PMPCA: variants seen among roughly 807,000 people sequenced by gnomAD.
PMPCA encodes mitochondrial-processing peptidase subunit alpha.
Under a neutral mutation model 59.3 loss-of-function variants are expected in PMPCA, and 47 were observed. The ratio of observed to expected loss-of-function variants is 0.79; its 90% CI spans 0.63 to 1.01. PMPCA has a LOEUF of 1.01. Ranked by LOEUF, PMPCA falls within the 50% of genes least tolerant of loss-of-function variation. PMPCA has a pLI of 0.00. For missense variants in PMPCA, 726 were observed against 704.5 expected (o/e 1.03, Z -0.34); for synonymous variants, 338 against 290.3 (o/e 1.16, Z -1.67).
At chr9:136,411,944 C>A in intron 1 of PMPCA, 53 bp from the exon 2 acceptor site, 2 of 1,050,758 alleles carry the variant, frequency 1.9e-6, no homozygotes, top group South Asian at 1.3e-5. Context: ...AACAGGTCAT[C>A]ACAGGTTTGT....
intron 5 of PMPCA, among the ~76,000 whole-genome samples, chr9:136,415,640 G>A (rs1457448151): frequency 6.6e-6 from 1 of 152,196 alleles, no homozygotes; most frequent in Non-Finnish European, 1.5e-5. Flanking sequence ...CTGTGCCTCT[G>A]TTTCTTTTTG....
Position 136,419,120 on chromosome 9 carries a change from G to A in PMPCA, c.1263+14G>A, listed in dbSNP as rs1163295094. ...ACCGTGGACACGGTAAGTGCAGTGT[G>A]GCGCCATTTCCAGGCGTACCTGTGG... On this transcript the variant is annotated intron_variant, in intron 11 of 12. Coordinates refer to ENST00000371717, the MANE Select transcript of PMPCA (RefSeq NM_015160.3). 2.5e-6 allele frequency: 4 copies of A among 1,610,170 alleles called. No individual in the cohort carries two copies. Among genetic ancestry groups the A allele is most frequent in the Non-Finnish European group, 3.4e-6 (4 of 1,176,374 alleles).
intron 5 of PMPCA, among the ~76,000 whole-genome samples, chr9:136,415,717 C>G (rs1725666429): frequency 1.3e-5 from 2 of 152,234 alleles, no homozygotes; most frequent in Admixed American, 1.3e-4. Flanking sequence ...ACTGCAACCT[C>G]CACCTCCCAG....
At chr9:136,414,334 C>T (rs1835213518) in intron 4 of PMPCA, among the ~76,000 whole-genome samples, 1 of 152,232 alleles carries the variant, frequency 6.6e-6, no homozygotes, top group Non-Finnish European at 1.5e-5. Flanking sequence ...GAGGTGTCCC[C>T]TGGCACGCAA....
intron 5 of PMPCA, among the ~76,000 whole-genome samples, chr9:136,415,435 C>T (rs911999384): frequency 6.6e-6 from 1 of 152,190 alleles, no homozygotes; most frequent in African/African-American, 2.4e-5. Context: ...TTCACTGTTT[C>T]CATTACCCTC....
rs922553423 is a variant in PMPCA at position 136,412,893 on chromosome 9, G to A, written c.437+1G>A. ...GTATCTGTGACTGCCAGACATCAAG[G>A]TACACCAGCTTTTGTGTACAAACTG... On this transcript the variant is annotated splice_donor_variant, in intron 4 of 12. Coordinates refer to ENST00000371717, the MANE Select transcript of PMPCA (RefSeq NM_015160.3). LOFTEE classifies it high-confidence loss of function. The A allele has an allele frequency of 1.9e-6, 3 of 1,566,522 alleles. No individual in the cohort carries two copies. The highest frequency in any genetic ancestry group is 1.4e-5 in the African/African-American group (1 of 74,054).
chr9:136,417,946 G>C (rs1835328430), intron 7 of PMPCA, 71 bp from the exon 8 acceptor site: 1 of 1,050,802 alleles, frequency 9.5e-7, no homozygotes, highest in Admixed American at 1.7e-5. Flanking sequence ...CTCTGAAGAT[G>C]ATCTCATCTG....
At position 136,419,071 on chromosome 9, in the gene PMPCA, A is replaced by G. The variant is rs1383395152; in HGVS notation, c.1228A>G (p.Lys410Glu). 6.2e-7 allele frequency: 1 copy of G among 1,613,886 alleles called. No individual in the cohort carries two copies. The change falls in exon 11 of 13, where the codon AAG becomes GAG. Residue 410 changes from lysine (K) to glutamate (E), a missense_variant. Coordinates refer to ENST00000371717, the MANE Select transcript of PMPCA (RefSeq NM_015160.3). The part of the protein sequence containing the change: ...QVREMVEIIT[K>E]EFILMGGTVD... ...TCGAGAAATGGTAGAAATCATCACA[A>G]AGGAGTTTATTTTAATGGGCGGAAC...
intron 12 of PMPCA, chr9:136,422,874 A>G (rs1835497767): frequency 2.2e-6 from 3 of 1,372,182 alleles, no homozygotes; most frequent in Non-Finnish European, 1.9e-6. Context: ...TATATTTTTA[A>G]GTCATTGCCA....
chr9:136,410,972 C>T (rs1235824893), intron 1 of PMPCA: 6 of 394,414 alleles, frequency 1.5e-5, no homozygotes, highest in African/African-American at 4.1e-5. Flanking sequence ...CCCCCCCTCA[C>T]TTCCCGGGTC....
intron 4 of PMPCA, 58 bp from the exon 5 acceptor site, chr9:136,414,495 G>T: frequency 8.6e-7 from 1 of 1,163,020 alleles, no homozygotes; most frequent in Non-Finnish European, 1.3e-6. Flanking sequence ...GCGTCCCCTG[G>T]CTGTTAAGCA....
Position 136,423,150 on chromosome 9 carries a change from G to C in PMPCA, c.1464G>C (p.Lys488Asn), listed in dbSNP as rs1835508872. 5.6e-6 allele frequency: 9 copies of C among 1,613,634 alleles called. No individual in the cohort carries two copies. The highest frequency in any genetic ancestry group is 5.9e-6 in the Non-Finnish European group (7 of 1,180,030). The part of the protein sequence containing the change: ...KRVASKMLRG[K>N]PAVAALGDLT... ...TCGCTTCTAAGATGCTCCGAGGGAA[G>C]CCGGCAGTGGCCGCCCTGGGTGACC... Residue 488 changes from lysine to asparagine, a missense_variant, in exon 13 of 13, where the codon AAG becomes AAC. Lys to Asn is a moderately conservative substitution (Grantham distance 94). Coordinates refer to ENST00000371717, the MANE Select transcript of PMPCA (RefSeq NM_015160.3).
In PMPCA at chr9:136,412,053, C is replaced by T; in HGVS notation, c.128C>T (p.Pro43Leu). The T allele has an allele frequency of 6.2e-7, 1 of 1,613,534 alleles. No individual in the cohort carries two copies. The highest frequency in any genetic ancestry group is 8.5e-7 in the Non-Finnish European group (1 of 1,179,478). The change falls in exon 2 of 13, where the codon CCC becomes CTC. Residue 43 changes from proline to leucine, a missense_variant. Coordinates refer to ENST00000371717, the MANE Select transcript of PMPCA (RefSeq NM_015160.3). The part of the protein sequence containing the change: ...FSSGGAYPNI[P>L]LSSPLPGVPK... Reference sequence around the variant, plus strand: ...AGTGGTGGTGCCTATCCCAACATCCCCCTCTCTTCTCCCTTACCTGGAGTA... The same window carrying T: ...AGTGGTGGTGCCTATCCCAACATCCTCCTCTCTTCTCCCTTACCTGGAGTA...
rs2131582658 is a variant in PMPCA, at chr9:136,412,194, T to A, written c.269T>A (p.Val90Glu). The change falls in exon 2 of 13, where the codon GTA becomes GAA. Residue 90 changes from valine to glutamate, a missense_variant. Transcript: ENST00000371717. ...SQNKFGQFCT[V>E]GILINSGSRY... ...AATAAGTTTGGACAGTTTTGTACAGTAGGAAGTAAGTACTGTTGTGTTGTC... is the reference window on the plus strand; with the variant it reads ...AATAAGTTTGGACAGTTTTGTACAGAAGGAAGTAAGTACTGTTGTGTTGTC... 6.2e-7 allele frequency: 1 copy of A among 1,610,238 alleles called. No individual in the cohort carries two copies.
chr9:136,423,224 A>G lies in PMPCA; in HGVS notation c.1538A>G (p.Lys513Arg), dbSNP rs1588826096. 1 of 1,613,508 alleles carries G rather than the reference A, an allele frequency of 6.2e-7. No homozygotes were observed. ...CACATCCAGACCGCCCTGTCGAGTAAGGACGGGCGCCTGCCCAGGACGTAC... is the reference window on the plus strand; with the variant it reads ...CACATCCAGACCGCCCTGTCGAGTAGGGACGGGCGCCTGCCCAGGACGTAC... ...YEHIQTALSS[K>R]DGRLPRTYRL... Residue 513 changes from lysine (K) to arginine (R), a missense_variant, in exon 13 of 13, where the codon AAG (lysine) becomes AGG (arginine). Coordinates refer to ENST00000371717, the MANE Select transcript of PMPCA (RefSeq NM_015160.3).
intron 11 of PMPCA, chr9:136,421,075 C>T (rs45464397): frequency 0.14 from 20,722 of 152,282 alleles, 1,699 homozygotes; most frequent in Admixed American, 0.21. Flanking sequence ...GCCTAGGACC[C>T]GCACTGCCTC....
At position 136,423,508 on chromosome 9, in the gene PMPCA, G is replaced by C. The variant is rs942700293; in HGVS notation, c.*244G>C. On this transcript the variant is annotated 3_prime_UTR_variant, in exon 13 of 13. Transcript: ENST00000371717. ...GAAGTGCCCAGCGCTGGAGTGCAGC[G>C]TGCCACGAGGAGGGCGGTCGGTGCT... 4.1e-6 allele frequency: 2 copies of C among 486,112 alleles called. No individual in the cohort carries two copies. Among genetic ancestry groups the C allele is most frequent in the African/African-American group, 3.9e-5 (2 of 51,860 alleles). 30.1% of individuals were successfully genotyped at this position (486,112 alleles called of 1,614,324 possible). A position where few individuals can be genotyped will look rare whatever the true frequency, so the allele number is the denominator to read the frequency against.
intron 6 of PMPCA, 144 bp downstream of exon 6, chr9:136,416,535 T>C: frequency 1.5e-5 from 10 of 682,098 alleles, no homozygotes; most frequent in East Asian, 2.8e-5. Context: ...TGAGATGAGG[T>C]TTCTCCACAT....
chr9:136,423,061 C>T (rs190976106), intron 12 of PMPCA, 34 bp from the exon 13 acceptor site: 171 of 1,584,796 alleles, frequency 1.1e-4, no homozygotes, highest in Admixed American at 1.5e-4. Context: ...GGCCGTGGCG[C>T]GCTCGTGTGA....
Sources: allele counts gnomAD v4.1 joint callset (sites outside exome capture counted in the v4.1 genomes callset), GRCh38; gene constraint gnomAD v4.1.1; transcripts MANE v1.5; gene names NCBI Gene and HGNC (gene_info 2026-07-23, HGNC 2026-07-21).